BAHCC1: variants seen among roughly 807,000 people sequenced by gnomAD.
BAHCC1 encodes BAH domain and coiled-coil containing 1.
In BAHCC1, 43 loss-of-function variants were observed where a neutral mutation model predicts 88.2. That is an observed-to-expected ratio of 0.49 (90% CI 0.38 to 0.63). The LOEUF (loss-of-function observed/expected upper bound fraction) is 0.63. Among genes scored for constraint, BAHCC1 ranks in the 20% least tolerant of loss-of-function variants. The pLI is 0.00. For missense variants in BAHCC1, 3,023 were observed against 1,654.8 expected (o/e 1.83, Z -14.34); for synonymous variants, 1,510 against 745.5 (o/e 2.03, Z -16.71).
chr17:81,404,635 T>C (rs2063857518), intron 2 of BAHCC1, among the ~76,000 whole-genome samples: 1 of 152,242 alleles, frequency 6.6e-6, no homozygotes, highest in East Asian at 1.9e-4. Context: ...ATTTGATAAA[T>C]GATTGTACAC....
At position 81,442,024 on chromosome 17, in the gene BAHCC1, C is replaced by A; in HGVS notation, c.675C>A (p.Gly225=). The change falls in exon 5 of 28, where the codon GGC becomes GGA. Residue 225 remains glycine, a synonymous_variant. Transcript: ENST00000675386. ...GCTTCCTCGTGGGCAAAGAGCTGGG[C>A]AGAGAGAAGGCGGGCAAGGCCGCTG... ...FDRFLVGKEL[G]REKAGKAAEG... 1.4e-6 allele frequency: 1 copy of A among 727,164 alleles called. No individual in the cohort carries two copies. Among genetic ancestry groups the A allele is most frequent in the Non-Finnish European group, 2.6e-6 (1 of 388,562 alleles). The allele number at this position is 727,164 out of a possible 1,614,324, so 45.0% of individuals were successfully genotyped here. A position where few individuals can be genotyped will look rare whatever the true frequency, so the allele number is the denominator to read the frequency against.
chr17:81,458,356 C>T lies in BAHCC1; in HGVS notation c.5233C>T (p.Leu1745Phe). Residue 1745 changes from leucine to phenylalanine, a missense_variant, in exon 18 of 28, where the codon CTC (leucine) becomes TTC (phenylalanine). Transcript: ENST00000675386. ...EPGATPSRDA[L>F]FNPSRAFACR... ...GGGGGCCACCCCCAGCAGGGACGCC[C>T]TCTTCAACCCCTCTCGGGCCTTCGC... is the stretch of plus-strand genomic sequence containing the variant. The T allele has an allele frequency of 1.4e-6, 1 of 730,104 alleles. No homozygotes were observed. The highest frequency in any genetic ancestry group is 2.5e-6 in the Non-Finnish European group (1 of 395,366). 45.2% of individuals were successfully genotyped at this position (730,104 alleles called of 1,614,324 possible). A position where few individuals can be genotyped will look rare whatever the true frequency, so the allele number is the denominator to read the frequency against.
rs782290625 is a variant in BAHCC1, at chr17:81,459,275, G to A, written c.5743G>A (p.Glu1915Lys). Residue 1915 changes from glutamate to lysine, a missense_variant, in exon 22 of 28, where the codon GAG becomes AAG. Transcript: ENST00000675386. ...CAGCTATAGCATCGTCATCGAGGGC[G>A]AGAGGGGCAACCGGCAGAGGATCTA... ...PDIYSIVIEG[E>K]RGNRQRIYSL... is the part of the protein sequence containing the mutation. 7.7e-6 allele frequency: 6 copies of A among 779,506 alleles called. No individual in the cohort carries two copies. The highest frequency in any genetic ancestry group is 1.2e-5 in the Non-Finnish European group (5 of 417,754). The allele number at this position is 779,506 out of a possible 1,614,324, so 48.3% of individuals were successfully genotyped here.
Position 81,460,989 on chromosome 17 carries a change from T to C in BAHCC1, c.6326T>C (p.Val2109Ala). 1.3e-6 allele frequency: 1 copy of C among 773,074 alleles called. No homozygotes were observed. The highest frequency in any genetic ancestry group is 2.4e-6 in the Non-Finnish European group (1 of 417,188). The allele number at this position is 773,074 out of a possible 1,614,324, so 47.9% of individuals were successfully genotyped here. A position where few individuals can be genotyped will look rare whatever the true frequency, so the allele number is the denominator to read the frequency against. ...SAVAQTKRKA[V>A]AAASKGPGVL... ...GTGGCGCAGACCAAGCGGAAGGCGG[T>C]GGCAGCGGCCAGCAAGGGGCCGGGG... The change falls in exon 26 of 28, where the codon GTG becomes GCG. Residue 2109 changes from valine to alanine, a missense_variant. Physicochemically the swap from Val to Ala is moderately conservative, Grantham distance 64. Transcript: ENST00000675386.
chr17:81,415,676 C>T (rs533106292), intron 2 of BAHCC1: 54 of 418,354 alleles, frequency 1.3e-4, no homozygotes, highest in Non-Finnish European at 2.4e-4. Flanking sequence ...TGACCTGAGT[C>T]CCCTCGGTGG....
At chr17:81,454,876 C>T (rs1228837878) in intron 14 of BAHCC1, among the ~76,000 whole-genome samples, 1 of 152,198 alleles carries the variant, frequency 6.6e-6, no homozygotes, top group East Asian at 1.9e-4. Flanking sequence ...CCGGCCCCAG[C>T]CCCCGACACC....
chr17:81,448,279 G>T (rs936836331), intron 11 of BAHCC1, among the ~76,000 whole-genome samples: 10 of 152,166 alleles, frequency 6.6e-5, no homozygotes, highest in African/African-American at 2.4e-4. Flanking sequence ...TCGGCTCCCC[G>T]CTTCAGGCCC....
rs2064562210 is a variant in BAHCC1, at chr17:81,447,812, G to A, written c.3940G>A (p.Ala1314Thr). ...IALLSELADLAIQRQRSERTV... is the reference protein window; with the variant it reads ...IALLSELADLTIQRQRSERTV... ...TCTGCTCAGCGAGCTGGCTGACCTG[G>A]CAATCCAGCGGCAGAGGAGTGAGAG... The change falls in exon 11 of 28, where the codon GCA (alanine) becomes ACA (threonine). Residue 1314 changes from alanine (A) to threonine (T), a missense_variant. Ala to Thr is a moderately conservative substitution (Grantham distance 58). Coordinates refer to ENST00000675386, the MANE Select transcript of BAHCC1 (RefSeq NM_001377448.1). 2 of 749,640 alleles carry A rather than the reference G, an allele frequency of 2.7e-6. No individual in the cohort carries two copies. The highest frequency in any genetic ancestry group is 3.4e-5 in the African/African-American group (2 of 58,420). 46.4% of individuals were successfully genotyped at this position (749,640 alleles called of 1,614,324 possible). A position where few individuals can be genotyped will look rare whatever the true frequency, so the allele number is the denominator to read the frequency against.
At chr17:81,404,615 G>T (rs2063857379) in intron 2 of BAHCC1, among the ~76,000 whole-genome samples, 1 of 152,210 alleles carries the variant, frequency 6.6e-6, no homozygotes, top group Non-Finnish European at 1.5e-5. Context: ...GGCAAGGCAC[G>T]GCTATTTTAA....
At chr17:81,456,646 G>C (rs1476948484) in intron 16 of BAHCC1, 61 bp downstream of exon 16, 1 of 659,742 alleles carries the variant, frequency 1.5e-6, no homozygotes, top group African/African-American at 1.8e-5. Context: ...TCGGGGGCTG[G>C]AGGAGGGGGC....
At position 81,452,123 on chromosome 17, in the gene BAHCC1, C is replaced by G. The variant is rs782200961; in HGVS notation, c.4316+16C>G. ...ACGACCATGAGTACGCCTGGCGTGG[C>G]GGGGGGGCCTGGGAGGGTCGCAGCA... On this transcript the variant is annotated intron_variant, in intron 13 of 27. Transcript: ENST00000675386. 1 of 605,210 alleles carries G rather than the reference C, an allele frequency of 1.7e-6. No homozygotes were observed. Among genetic ancestry groups the G allele is most frequent in the East Asian group, 2.9e-5 (1 of 34,274 alleles). 37.5% of individuals were successfully genotyped at this position (605,210 alleles called of 1,614,324 possible). A position where few individuals can be genotyped will look rare whatever the true frequency, so the allele number is the denominator to read the frequency against.
chr17:81,426,340 A>G (rs2064198119), intron 2 of BAHCC1, among the ~76,000 whole-genome samples: 4 of 56,314 alleles, frequency 7.1e-5, no homozygotes, highest in Non-Finnish European at 1.1e-4. Flanking sequence ...TGGTGGTGAT[A>G]GTCGTGGGTG....
intron 4 of BAHCC1, among the ~76,000 whole-genome samples, chr17:81,439,082 G>A (rs938406079): frequency 6.6e-5 from 10 of 152,198 alleles, no homozygotes; most frequent in African/African-American, 1.9e-4. Context: ...AGTCAGAGCC[G>A]GTGGGGCCTT....
rs2064557284 is a variant in BAHCC1 at position 81,447,621 on chromosome 17, A to G, written c.3749A>G (p.Asn1250Ser). ...SEEDCGGAPD[N>S]SHPPRALPGL... ...GAGGACTGTGGCGGAGCTCCCGACA[A>G]CAGCCACCCACCCAGGGCGCTACCA... The change falls in exon 11 of 28, where the codon AAC becomes AGC. Residue 1250 changes from asparagine to serine, a missense_variant. Asn to Ser is a conservative substitution (Grantham distance 46). Coordinates refer to ENST00000675386, the MANE Select transcript of BAHCC1 (RefSeq NM_001377448.1). 2.7e-6 allele frequency: 2 copies of G among 744,440 alleles called. No homozygotes were observed. The highest frequency in any genetic ancestry group is 1.4e-5 in the South Asian group (1 of 69,696). 46.1% of individuals were successfully genotyped at this position (744,440 alleles called of 1,614,324 possible).
rs943660722 is a variant in BAHCC1 at position 81,403,752 on chromosome 17, C to T, written c.178+3835C>T. 3.3e-5 allele frequency among the ~76,000 whole-genome samples: 5 copies of T among 152,342 alleles called. No homozygotes were observed. In the South Asian group the frequency reaches 1.0e-3, roughly 32 times the overall value. On this transcript the variant is annotated intron_variant, in intron 2 of 27. Transcript: ENST00000675386. ...TTCCGAAGACGTCACCCGTCCCGCT[C>T]CATAAGTGACAGAGTTAGACATCAA...
At chr17:81,425,679 TGATGTGGTTGGTGGC>T (rs1301663861) in intron 2 of BAHCC1, among the ~76,000 whole-genome samples, 6 of 42,118 alleles carry the variant, frequency 1.4e-4, no homozygotes, top group African/African-American at 3.0e-4. Context: ...TGATGGTGGG[TGATGTGGTTGGTGGC>T]GATGTGGTTG....
Position 81,423,253 on chromosome 17 carries a change from C to T in BAHCC1, c.179-3547C>T, listed in dbSNP as rs1179492137. Among the ~76,000 whole-genome samples the T allele has an allele frequency of 3.3e-5, 5 of 152,294 alleles. No individual in the cohort carries two copies. The East Asian group carries it at 5.8e-4, about 18-fold the overall frequency. ...GAGGCCCCTTGAGTCCACATGGCTG[C>T]GTTCGCACACGAGAGGGGAAGGGGC... On this transcript the variant is annotated intron_variant, in intron 2 of 27. Coordinates refer to ENST00000675386, the MANE Select transcript of BAHCC1 (RefSeq NM_001377448.1).
At chr17:81,433,506 G>A (rs2064294336) in intron 3 of BAHCC1, among the ~76,000 whole-genome samples, 1 of 148,836 alleles carries the variant, frequency 6.7e-6, no homozygotes, top group Non-Finnish European at 1.5e-5. Flanking sequence ...TCAGTCCACC[G>A]AGGTCCCTGT....
chr17:81,442,169 G>A lies in BAHCC1; in HGVS notation c.820G>A (p.Glu274Lys), dbSNP rs1307111714. 4.6e-6 allele frequency: 3 copies of A among 652,342 alleles called. No individual in the cohort carries two copies. The highest frequency in any genetic ancestry group is 2.8e-5 in the East Asian group (1 of 35,628). The allele number at this position is 652,342 out of a possible 1,614,324, so 40.4% of individuals were successfully genotyped here. ...CGGCCCCGCACCCCGAGGGGCCTGC[G>A]AGGGCCGCCCCAAGCACCTCACCTC... is the stretch of plus-strand genomic sequence containing the variant. Reference protein sequence around the residue: ...EGGPAPRGACEGRPKHLTSCL... With the variant: ...EGGPAPRGACKGRPKHLTSCL... Residue 274 changes from glutamate to lysine, a missense_variant, in exon 5 of 28, where the codon GAG (glutamate) becomes AAG (lysine). By Grantham distance (56) the Glu-to-Lys change is moderately conservative. Coordinates refer to ENST00000675386, the MANE Select transcript of BAHCC1 (RefSeq NM_001377448.1).
Sources: gnomAD v4.1 joint callset for allele counts (sites outside exome capture counted in the v4.1 genomes callset) on GRCh38, gnomAD v4.1.1 for gene constraint, MANE v1.5 for transcripts, NCBI Gene and HGNC (gene_info 2026-07-23, HGNC 2026-07-21) for gene names.